The following BTBD3 variants were observed in gnomAD, a reference collection of about 807,000 sequenced individuals.
BTBD3 encodes BTB/POZ domain-containing protein 3.
Under a neutral mutation model 41.6 loss-of-function variants are expected in BTBD3, and 14 were observed. That is an observed-to-expected ratio of 0.34 (90% CI 0.22 to 0.53). The LOEUF (loss-of-function observed/expected upper bound fraction) is 0.53, where lower values mean the gene tolerates loss of function less well. Ranked by LOEUF, BTBD3 falls within the 20% of genes least tolerant of loss-of-function variation. The probability of loss-of-function intolerance (pLI) is 0.95; values close to 1 mark genes in which losing one functional copy is unlikely to be tolerated. For synonymous variants in BTBD3, 249 were observed against 233.7 expected, an observed-to-expected ratio of 1.07 and a Z score of -0.60; for missense variants, 426 against 654.7, an observed-to-expected ratio of 0.65 and a Z score of 3.81.
At chr20:11,905,223 T>C (rs1048340591) in intron 1 of BTBD3, among the ~76,000 whole-genome samples, 2 of 152,158 alleles carry the variant, frequency 1.3e-5, no homozygotes, top group African/African-American at 4.8e-5. Context: ...TTTGAGAAAA[T>C]GTCTGCCAGA....
chr20:11,897,299 A>C (rs1249950238), intron 1 of BTBD3, among the ~76,000 whole-genome samples: 1 of 152,132 alleles, frequency 6.6e-6, no homozygotes, highest in Non-Finnish European at 1.5e-5. Flanking sequence ...AATATGTGAA[A>C]GACGCTTCAG....
chr20:11,895,030 G>T (rs186011569), intron 1 of BTBD3, among the ~76,000 whole-genome samples: 58 of 152,218 alleles, frequency 3.8e-4, no homozygotes, highest in African/African-American at 1.3e-3. Flanking sequence ...GATATGAAGC[G>T]CTCCTATACC....
chr20:11,891,360 C>G (rs1600222298), intron 1 of BTBD3: 1 of 151,926 alleles, frequency 6.6e-6, no homozygotes, highest in South Asian at 2.1e-4. Context: ...GGGGCGCGGT[C>G]GGGAAGCCTC....
chr20:11,893,767 T>C (rs1410361704), intron 1 of BTBD3, among the ~76,000 whole-genome samples: 1 of 152,186 alleles, frequency 6.6e-6, no homozygotes, highest in African/African-American at 2.4e-5. Context: ...CGTCATATCA[T>C]CTAAAAAGAA....
At chr20:11,891,651 G>A (rs1321455043) in intron 1 of BTBD3, among the ~76,000 whole-genome samples, 1 of 152,140 alleles carries the variant, frequency 6.6e-6, no homozygotes, top group East Asian at 1.9e-4. Context: ...TTGGTGTTCG[G>A]GAAGAAGGAT....
chr20:11,911,739 A>G (rs942104301), intron 1 of BTBD3, among the ~76,000 whole-genome samples: 1 of 152,178 alleles, frequency 6.6e-6, no homozygotes, highest in South Asian at 2.1e-4. Context: ...AGTATCTTCA[A>G]CTTTACAAAA....
intron 1 of BTBD3, among the ~76,000 whole-genome samples, chr20:11,894,058 C>G (rs2056772021): frequency 6.6e-6 from 1 of 152,172 alleles, no homozygotes; most frequent in Non-Finnish European, 1.5e-5. Flanking sequence ...CTTTGGTTGC[C>G]AATCCTAGCA....
intron 1 of BTBD3, among the ~76,000 whole-genome samples, chr20:11,906,660 C>T (rs2056856841): frequency 6.6e-6 from 1 of 152,122 alleles, no homozygotes; most frequent in Non-Finnish European, 1.5e-5. Flanking sequence ...CCTGATTCTT[C>T]TTAGTGAAGT....
Position 11,923,330 on chromosome 20 carries a change from G to T in BTBD3, c.1233G>T (p.Gly411=), listed in dbSNP as rs1279597974. The change falls in exon 4 of 4, where the codon GGG becomes GGT. Residue 411 remains glycine, a synonymous_variant. Coordinates refer to ENST00000378226, the MANE Select transcript of BTBD3 (RefSeq NM_014962.4). The surrounding 1 kb of genome is among the most constrained non-coding windows in gnomAD (Gnocchi z 5.3). ...AAAGAGTGTTCATTGCTGGCTTTGGGCTGTATGGCTCCAGCTGTGGTTCTG... is the reference window on the plus strand; with the variant it reads ...AAAGAGTGTTCATTGCTGGCTTTGGTCTGTATGGCTCCAGCTGTGGTTCTG... ...VDKRVFIAGF[G]LYGSSCGSAE... The T allele has an allele frequency of 6.2e-7, 1 of 1,614,196 alleles. No individual in the cohort carries two copies. Among genetic ancestry groups the T allele is most frequent in the Middle Eastern group, 1.6e-4 (1 of 6,062 alleles).
chr20:11,906,914 A>G lies in BTBD3; in HGVS notation c.-125-11420A>G, dbSNP rs142426756. Among the ~76,000 whole-genome samples the G allele has an allele frequency of 4.8e-3, 732 of 152,308 alleles. 6 individuals are homozygous for G. Among genetic ancestry groups the G allele is most frequent in the Non-Finnish European group, 6.1e-3 (414 of 68,026 alleles). On this transcript the variant is annotated intron_variant, in intron 1 of 4. Transcript: ENST00000254977. Reference sequence around the variant, plus strand: ...CAGGTGAAACACATTTCAGGACCACATTAGACAGTCTTTTTAATTATCCTT... The same window carrying G: ...CAGGTGAAACACATTTCAGGACCACGTTAGACAGTCTTTTTAATTATCCTT...
Position 11,918,317 on chromosome 20 carries a change from C to T in BTBD3, c.42C>T (p.Phe14=). The change falls in exon 1 of 4, where the codon TTC becomes TTT. Residue 14 remains phenylalanine, a synonymous_variant. Coordinates refer to ENST00000378226, the MANE Select transcript of BTBD3 (RefSeq NM_014962.4). ...AAAAGAACATGAAATGTCTCACCTT[C>T]TTCTTGATGCTTCCAGAGACGGTAA... ...DKEKNMKCLT[F]FLMLPETVKN... The T allele has an allele frequency of 2.5e-6, 4 of 1,608,358 alleles. No homozygotes were observed. The highest frequency in any genetic ancestry group is 3.4e-5 in the Admixed American group (2 of 58,764).
intron 1 of BTBD3, among the ~76,000 whole-genome samples, chr20:11,900,647 TTTCATACCTTTG>T (rs1264407139): frequency 6.6e-6 from 1 of 152,100 alleles, no homozygotes; most frequent in African/African-American, 2.4e-5. Flanking sequence ...TGCCACCTAT[TTTCATACCTTTG>T]TTCATGGAGA....
At chr20:11,900,209 T>G (rs2122192245) in intron 1 of BTBD3, among the ~76,000 whole-genome samples, 1 of 152,372 alleles carries the variant, frequency 6.6e-6, no homozygotes, top group South Asian at 2.1e-4. Context: ...TGATTAGATC[T>G]ACTTTTTGTT....
chr20:11,911,546 C>T (rs2056889552), intron 1 of BTBD3, among the ~76,000 whole-genome samples: 1 of 151,938 alleles, frequency 6.6e-6, no homozygotes, highest in African/African-American at 2.4e-5. Context: ...TATGCTAACA[C>T]TAAGGATAGC....
chr20:11,922,329 A>G (rs945788907), intron 3 of BTBD3, among the ~76,000 whole-genome samples: 2 of 152,198 alleles, frequency 1.3e-5, no homozygotes, highest in African/African-American at 4.8e-5. Flanking sequence ...ACTATTCAAT[A>G]TGCAGTTGTT....
intron 3 of BTBD3, 64 bp from the exon 4 acceptor site, chr20:11,922,569 AT>A: frequency 6.9e-7 from 1 of 1,448,322 alleles, no homozygotes; most frequent in East Asian, 2.3e-5. Flanking sequence ...AAGTGGTTGT[AT>A]CTTTTCTTGC....
Position 11,918,506 on chromosome 20 carries a change from C to T in BTBD3, c.231C>T (p.Ser77=), listed in dbSNP as rs1300629925. 1.2e-6 allele frequency: 2 copies of T among 1,614,200 alleles called. No homozygotes were observed. Among genetic ancestry groups the T allele is most frequent in the Non-Finnish European group, 1.7e-6 (2 of 1,180,024 alleles). The stretch of plus-strand genomic sequence containing the variant: ...GTAAAAAGCCAGCCAACTCCAGCAG[C>T]ACCAGCGTCCAGCAGTACCACCAGC... ...FPRKKPANSS[S]TSVQQYHQQN... The change falls in exon 1 of 4, where the codon AGC becomes AGT. Residue 77 remains serine (S), a synonymous_variant. Transcript: ENST00000378226.
intron 1 of BTBD3, among the ~76,000 whole-genome samples, chr20:11,902,007 CA>C (rs2056826593): frequency 6.6e-6 from 1 of 152,072 alleles, no homozygotes; most frequent in African/African-American, 2.4e-5. Flanking sequence ...GACCCTTGAA[CA>C]ACTTGAGCAT....
At position 11,919,587 on chromosome 20, in the gene BTBD3, C is replaced by T. The variant is rs1568615505; in HGVS notation, c.418-131C>T. ...TGGCAAGCTACCCTGTGTACCTTGG[C>T]TTTTTCAAAGCAGTAGATTTTAGGT... On this transcript the variant is annotated intron_variant, in intron 2 of 3. Transcript: ENST00000378226. The T allele has an allele frequency of 2.5e-6, 3 of 1,187,082 alleles. No homozygotes were observed. In the Admixed American group the frequency reaches 6.5e-5, roughly 26 times the overall value. The allele number at this position is 1,187,082 out of a possible 1,614,324, so 73.5% of individuals were successfully genotyped here.
Sources: allele counts gnomAD v4.1 joint callset (sites outside exome capture counted in the v4.1 genomes callset), GRCh38; gene constraint gnomAD v4.1.1; non-coding constraint Gnocchi (gnomAD v3.1); transcripts MANE v1.5; gene names NCBI Gene and HGNC (gene_info 2026-07-23, HGNC 2026-07-21).